Variants in ELOVL7 observed in about 807,000 individuals in gnomAD.
The protein encoded by ELOVL7 is ELOVL fatty acid elongase 7, also known as very long chain fatty acid elongase 7.
Under a neutral mutation model 35.7 loss-of-function variants are expected in ELOVL7, and 27 were observed. That is an observed-to-expected ratio of 0.76 (90% CI 0.56 to 1.04). The LOEUF (loss-of-function observed/expected upper bound fraction) is 1.04, where lower values mean the gene tolerates loss of function less well. Among genes scored for constraint, ELOVL7 ranks in the 50% least tolerant of loss-of-function variants. The pLI is 0.00. For synonymous variants in ELOVL7, 113 were observed against 114.6 expected (o/e 0.99, Z 0.09); for missense variants, 327 against 340.8 (o/e 0.96, Z 0.32).
In ELOVL7 at chr5:60,784,858, T is replaced by C. The variant is rs541713575; in HGVS notation, c.64+2476A>G. On this transcript the variant is annotated intron_variant, in intron 3 of 8. Coordinates refer to ENST00000508821, the MANE Select transcript of ELOVL7 (RefSeq NM_024930.3). ...TTTTAGACCATGCCTGGGAAAAAAA[T>C]TATGTAAAGAAAACAATTTTTAAGT... is the stretch of plus-strand genomic sequence containing the variant. Among the ~76,000 whole-genome samples the C allele has an allele frequency of 5.3e-5, 8 of 152,240 alleles. No individual in the cohort carries two copies. The South Asian group carries it at 1.7e-3, about 32-fold the overall frequency.
At chr5:60,825,541 C>A (rs1178352311) in intron 1 of ELOVL7, among the ~76,000 whole-genome samples, 3 of 152,192 alleles carry the variant, frequency 2.0e-5, no homozygotes, top group Non-Finnish European at 4.4e-5. Context: ...GGATGTTCTT[C>A]TGTTTTGTGC....
chr5:60,822,623 C>T (rs1408061009), intron 1 of ELOVL7, among the ~76,000 whole-genome samples: 3 of 152,124 alleles, frequency 2.0e-5, no homozygotes, highest in Non-Finnish European at 4.4e-5. Flanking sequence ...AAGGATACAG[C>T]TTTTGGAACT....
chr5:60,816,859 T>A (rs539644711), intron 1 of ELOVL7, among the ~76,000 whole-genome samples: 2 of 152,186 alleles, frequency 1.3e-5, no homozygotes, highest in Non-Finnish European at 2.9e-5. Flanking sequence ...AAATTTCAGA[T>A]AAATACAAAA....
chr5:60,817,462 G>A (rs957225452), intron 1 of ELOVL7, among the ~76,000 whole-genome samples: 7 of 151,358 alleles, frequency 4.6e-5, no homozygotes, highest in African/African-American at 1.5e-4. Context: ...AAAGTCTGGA[G>A]AAACAGGCAC....
At chr5:60,819,270 T>G (rs1319037380) in intron 1 of ELOVL7, among the ~76,000 whole-genome samples, 1 of 152,024 alleles carries the variant, frequency 6.6e-6, no homozygotes, top group African/African-American at 2.4e-5. Context: ...TACTCAAATG[T>G]TTATGAATTA....
At chr5:60,761,522 G>T (rs896441157) in intron 7 of ELOVL7, among the ~76,000 whole-genome samples, 2 of 152,068 alleles carry the variant, frequency 1.3e-5, no homozygotes, top group Non-Finnish European at 2.9e-5. Context: ...TAGGTATCAG[G>T]TCTGCTGAAT....
intron 7 of ELOVL7, among the ~76,000 whole-genome samples, chr5:60,759,974 A>G (rs182172520): frequency 6.6e-6 from 1 of 152,192 alleles, no homozygotes. Context: ...GAACTCATCA[A>G]TTTTTATGGC....
intron 1 of ELOVL7, among the ~76,000 whole-genome samples, chr5:60,814,523 A>G (rs1745412436): frequency 6.6e-6 from 1 of 152,234 alleles, no homozygotes; most frequent in Non-Finnish European, 1.5e-5. Context: ...CAAGAGAATA[A>G]CAATAACGCC....
chr5:60,827,357 T>C lies in ELOVL7; in HGVS notation c.-86+16803A>G, dbSNP rs183875786. On this transcript the variant is annotated intron_variant, in intron 1 of 8. Transcript: ENST00000508821. Reference sequence around the variant, plus strand: ...TCCTCAATGTAGGTTCCTCCAACTATGGCCCTTTCAAACAACAGCTGAACA... The same window carrying C: ...TCCTCAATGTAGGTTCCTCCAACTACGGCCCTTTCAAACAACAGCTGAACA... Among the ~76,000 whole-genome samples the C allele has an allele frequency of 2.3e-4, 35 of 152,350 alleles. 1 individual carries two copies. Among genetic ancestry groups the C allele is most frequent in the African/African-American group, 8.2e-4 (34 of 41,586 alleles).
In ELOVL7 at chr5:60,757,533, T is replaced by C. The variant is rs200475308; in HGVS notation, c.612A>G (p.Lys204=). ...CAAGCTGTAATGATGTCAAATATTT[T>C]TTCCACCACAAATACTTCTGGTAGG... is the stretch of plus-strand genomic sequence containing the variant. ...GPAYQKYLWW[K]KYLTSLQLVQ... The change falls in exon 8 of 9, where the codon AAA becomes AAG. Residue 204 remains lysine (K), a synonymous_variant. Coordinates refer to ENST00000508821, the MANE Select transcript of ELOVL7 (RefSeq NM_024930.3). 1.3e-4 allele frequency: 208 copies of C among 1,613,390 alleles called. 1 individual carries two copies. In the Middle Eastern group the frequency reaches 1.3e-3, roughly 10 times the overall value.
chr5:60,784,045 C>T, intron 3 of ELOVL7: 3 of 860,368 alleles, frequency 3.5e-6, no homozygotes, highest in Middle Eastern at 2.2e-4. Flanking sequence ...TAATTCGTTT[C>T]TAAGAGTGTC....
intron 1 of ELOVL7, among the ~76,000 whole-genome samples, chr5:60,832,663 C>T (rs934490518): frequency 6.6e-6 from 1 of 152,090 alleles, no homozygotes; most frequent in East Asian, 1.9e-4. Flanking sequence ...CGCGCCCAGC[C>T]GGAATTTTTT....
At chr5:60,781,916 G>A (rs1483987016) in intron 3 of ELOVL7, among the ~76,000 whole-genome samples, 1 of 152,208 alleles carries the variant, frequency 6.6e-6, no homozygotes, top group African/African-American at 2.4e-5. Flanking sequence ...TATATGTAAA[G>A]AGCCTAAGTG....
intron 3 of ELOVL7, 84 bp downstream of exon 3, chr5:60,787,250 T>C: frequency 2.5e-6 from 3 of 1,187,432 alleles, no homozygotes; most frequent in Non-Finnish European, 3.6e-6. Flanking sequence ...AGTCTCTCAT[T>C]CTGTTCCAGT....
chr5:60,835,220 C>T (rs1746722710), intron 1 of ELOVL7, among the ~76,000 whole-genome samples: 1 of 149,534 alleles, frequency 6.7e-6, no homozygotes, highest in South Asian at 2.1e-4. Context: ...ACAGAGTAGT[C>T]CCAAGACTGT....
intron 5 of ELOVL7, 76 bp downstream of exon 5, chr5:60,767,747 A>T: frequency 9.8e-7 from 1 of 1,023,692 alleles, no homozygotes; most frequent in Non-Finnish European, 1.5e-6. Flanking sequence ...TTCTAAGTTT[A>T]CGTTCAGTGT....
intron 3 of ELOVL7, 29 bp downstream of exon 3, chr5:60,787,305 A>C: frequency 6.4e-7 from 1 of 1,551,140 alleles, no homozygotes; most frequent in Non-Finnish European, 8.8e-7. Flanking sequence ...AGGAAGGATG[A>C]ACCTCAATTA....
intron 1 of ELOVL7, among the ~76,000 whole-genome samples, chr5:60,823,572 T>C (rs1746007321): frequency 6.6e-6 from 1 of 152,176 alleles, no homozygotes; most frequent in Non-Finnish European, 1.5e-5. Context: ...CAATAGATGC[T>C]TCAATTTTTC....
At chr5:60,803,788 G>T (rs913288373) in intron 1 of ELOVL7, among the ~76,000 whole-genome samples, 1 of 152,116 alleles carries the variant, frequency 6.6e-6, no homozygotes, top group African/African-American at 2.4e-5. Context: ...TTTTCTATAT[G>T]AATTAACTCA....
Sources: gnomAD v4.1 joint callset for allele counts (sites outside exome capture counted in the v4.1 genomes callset) on GRCh38, gnomAD v4.1.1 for gene constraint, MANE v1.5 for transcripts, NCBI Gene and HGNC (gene_info 2026-07-23, HGNC 2026-07-21) for gene names.